The following ELAPOR1 variants were observed in gnomAD, a reference collection of about 807,000 sequenced individuals.
The protein encoded by ELAPOR1 is endosome-lysosome associated apoptosis and autophagy regulator 1, also known as endosome/lysosome-associated apoptosis and autophagy regulator 1.
In ELAPOR1, 77 loss-of-function variants were observed where a neutral mutation model predicts 119.7. That is an observed-to-expected ratio of 0.64 (90% CI 0.54 to 0.78). ELAPOR1 has a LOEUF of 0.78. Ranked by LOEUF, ELAPOR1 falls within the 30% of genes least tolerant of loss-of-function variation. ELAPOR1 has a pLI of 0.00. For synonymous variants in ELAPOR1, 481 were observed against 487.2 expected, an observed-to-expected ratio of 0.99 and a Z score of 0.17; for missense variants, 1,115 against 1,270.4, an observed-to-expected ratio of 0.88 and a Z score of 1.86.
intron 7 of ELAPOR1, among the ~76,000 whole-genome samples, chr1:109,184,841 G>A (rs923253384): frequency 2.0e-5 from 3 of 152,238 alleles, no homozygotes; most frequent in Admixed American, 1.3e-4. Context: ...TGGAACAGGT[G>A]CAAAGGGAAG....
At chr1:109,163,386 A>G (rs1651382591) in intron 2 of ELAPOR1, among the ~76,000 whole-genome samples, 1 of 152,156 alleles carries the variant, frequency 6.6e-6, no homozygotes, top group South Asian at 2.1e-4. Flanking sequence ...ATAATAGTAC[A>G]TACGTGTTTT....
At chr1:109,122,111 T>A (rs1648465093) in intron 1 of ELAPOR1, among the ~76,000 whole-genome samples, 1 of 144,256 alleles carries the variant, frequency 6.9e-6, no homozygotes, top group African/African-American at 2.6e-5. Flanking sequence ...GCTCTGTCAC[T>A]CAGGCCAGAG....
chr1:109,185,103 C>T lies in ELAPOR1; in HGVS notation c.1011C>T (p.Tyr337=). 2 of 1,612,182 alleles carry T rather than the reference C, an allele frequency of 1.2e-6. No homozygotes were observed. Among genetic ancestry groups the T allele is most frequent in the Non-Finnish European group, 1.7e-6 (2 of 1,178,302 alleles). The change falls in exon 8 of 22, where the codon TAC becomes TAT. Residue 337 remains tyrosine (Y), a synonymous_variant. Coordinates refer to ENST00000369939, the MANE Select transcript of ELAPOR1 (RefSeq NM_020775.5). ...CTTGCACAGACAAAGATTATTTCTA[C>T]ACACACACGGCCTGCGATGCCAACG... ...RPACTDKDYF[Y]THTACDANGE... is the part of the protein sequence containing the mutation.
chr1:109,186,385 C>T (rs759484251), intron 8 of ELAPOR1, among the ~76,000 whole-genome samples: 5 of 152,214 alleles, frequency 3.3e-5, no homozygotes, highest in Admixed American at 6.5e-5. Context: ...GCATTCTGCA[C>T]TCAGCACTAA....
intron 7 of ELAPOR1, among the ~76,000 whole-genome samples, chr1:109,179,809 G>C (rs1434321248): frequency 1.3e-5 from 2 of 152,186 alleles, no homozygotes; most frequent in Non-Finnish European, 2.9e-5. Context: ...GGGAGGCTGA[G>C]GCAAGAGAAT....
intron 1 of ELAPOR1, among the ~76,000 whole-genome samples, chr1:109,138,409 C>T (rs1649609617): frequency 2.0e-5 from 3 of 152,166 alleles, no homozygotes; most frequent in Admixed American, 2.0e-4. Flanking sequence ...TTTCATTTTA[C>T]AGGACACAGA....
chr1:109,177,231 G>A (rs1330618412), intron 7 of ELAPOR1, among the ~76,000 whole-genome samples: 3 of 147,992 alleles, frequency 2.0e-5, no homozygotes, highest in African/African-American at 7.6e-5. Flanking sequence ...GGCCGGGCGG[G>A]GGGCTGACCC....
chr1:109,151,845 C>A (rs1215714949), intron 1 of ELAPOR1, among the ~76,000 whole-genome samples: 1 of 150,070 alleles, frequency 6.7e-6, no homozygotes, highest in Non-Finnish European at 1.5e-5. Context: ...AGCTCCAGGG[C>A]ATTTGCCTGG....
intron 11 of ELAPOR1, 44 bp downstream of exon 11, chr1:109,189,726 T>C (rs1653307579): frequency 2.0e-6 from 3 of 1,466,004 alleles, no homozygotes; most frequent in African/African-American, 1.4e-5. Context: ...AGCTTGGCCA[T>C]ATCCGAATCC....
rs1653423352 is a variant in ELAPOR1 at position 109,191,392 on chromosome 1, CAG to C, written c.1470_1471del (p.Asn491Ter). The C allele has an allele frequency of 6.2e-7, 1 of 1,614,040 alleles. No homozygotes were observed. Among genetic ancestry groups the C allele is most frequent in the South Asian group, 1.1e-5 (1 of 91,094 alleles). On this transcript the variant is annotated frameshift_variant, in exon 12 of 22. Transcript: ENST00000369939. LOFTEE classifies it high-confidence loss of function. ...CCTCCGCAGTCGGTGATGGCAGACA[CAG>C]AGAATAAAGAGGTGGCCAGAATCAC...
intron 7 of ELAPOR1, among the ~76,000 whole-genome samples, chr1:109,180,877 A>G (rs1652649799): frequency 6.6e-6 from 1 of 152,066 alleles, no homozygotes; most frequent in Non-Finnish European, 1.5e-5. Context: ...AGGTGGGAGG[A>G]TCACCTGAGC....
In ELAPOR1 at chr1:109,192,815, C is replaced by T; in HGVS notation, c.1888C>T (p.His630Tyr). The change falls in exon 14 of 22, where the codon CAC becomes TAC. Residue 630 changes from histidine to tyrosine, a missense_variant. Transcript: ENST00000369939. ...SCPTNTILKA[H>Y]QPYGVQACVP... ...CCCCACTAACACAATTCTGAAAGCC[C>T]ACCAGCCTTATGGTGTCCAGGCCTG... is the stretch of plus-strand genomic sequence containing the variant. The T allele has an allele frequency of 6.2e-7, 1 of 1,614,080 alleles. No individual in the cohort carries two copies. The highest frequency in any genetic ancestry group is 1.1e-5 in the South Asian group (1 of 91,078).
intron 21 of ELAPOR1, 99 bp from the exon 22 acceptor site, chr1:109,202,845 T>C: frequency 1.8e-6 from 2 of 1,127,760 alleles, no homozygotes; most frequent in South Asian, 2.5e-5. Flanking sequence ...AACAGGAATT[T>C]CATAAGGGTT....
intron 1 of ELAPOR1, among the ~76,000 whole-genome samples, chr1:109,122,499 A>C (rs754130530): frequency 6.6e-6 from 1 of 151,864 alleles, no homozygotes; most frequent in African/African-American, 2.4e-5. Context: ...ACTTTACAAA[A>C]CAGTTTTAAA....
At chr1:109,175,360 GC>G (rs1262273719) in intron 7 of ELAPOR1, among the ~76,000 whole-genome samples, 1 of 150,448 alleles carries the variant, frequency 6.6e-6, no homozygotes, top group Non-Finnish European at 1.5e-5. Context: ...GCACCACCAT[GC>G]CCAGCTAATT....
At chr1:109,160,894 T>TTTG (rs1045345986) in intron 1 of ELAPOR1, among the ~76,000 whole-genome samples, 1 of 152,192 alleles carries the variant, frequency 6.6e-6, no homozygotes, top group Non-Finnish European at 1.5e-5. Context: ...AGTGGAACTG[T>TTTG]TTGTTGTTGT....
chr1:109,120,564 G>A (rs1558013077), intron 1 of ELAPOR1, among the ~76,000 whole-genome samples: 1 of 152,108 alleles, frequency 6.6e-6, no homozygotes, highest in Non-Finnish European at 1.5e-5. Context: ...CCAGAGCTGT[G>A]AGCAATCAAT....
At chr1:109,193,226 C>A (rs1653563193) in intron 14 of ELAPOR1, among the ~76,000 whole-genome samples, 1 of 152,142 alleles carries the variant, frequency 6.6e-6, no homozygotes, top group Non-Finnish European at 1.5e-5. Context: ...TTCAATCCAG[C>A]CTGTTATTAT....
At chr1:109,202,087 G>A (rs539672456) in intron 21 of ELAPOR1, among the ~76,000 whole-genome samples, 44 of 152,240 alleles carry the variant, frequency 2.9e-4, no homozygotes, top group Non-Finnish European at 4.1e-4. Context: ...GCAACAGAGC[G>A]AGACCCTGTC....
Sources: allele counts gnomAD v4.1 joint callset (sites outside exome capture counted in the v4.1 genomes callset), GRCh38; gene constraint gnomAD v4.1.1; transcripts MANE v1.5; gene names NCBI Gene and HGNC (gene_info 2026-07-23, HGNC 2026-07-21).